EBF1: variants seen among roughly 807,000 people sequenced by gnomAD.
EBF1 encodes the protein EBF transcription factor 1.
A neutral mutation model predicts 68.4 loss-of-function variants in EBF1; 10 were observed. The observed-to-expected ratio is 0.15, with a 90% CI of 0.09 to 0.25. The LOEUF is 0.25. Ranked by LOEUF, EBF1 falls within the 10% of genes least tolerant of loss-of-function variation. The pLI is 1.00. For missense variants in EBF1, 509 were observed against 794.4 expected (o/e 0.64, Z 4.32); for synonymous variants, 298 against 299.8 (o/e 0.99, Z 0.06).
At chr5:158,979,944 C>T (rs897971330) in intron 6 of EBF1, among the ~76,000 whole-genome samples, 3 of 152,280 alleles carry the variant, frequency 2.0e-5, no homozygotes, top group Non-Finnish European at 2.9e-5. Context: ...AGCATCATTG[C>T]TTTCCTCTAC....
intron 6 of EBF1, among the ~76,000 whole-genome samples, chr5:159,037,712 C>T (rs989097491): frequency 2.7e-5 from 4 of 146,152 alleles, no homozygotes; most frequent in Non-Finnish European, 4.5e-5. Context: ...TGCTAGATGA[C>T]GAGTTAGTGG....
In EBF1 at chr5:158,993,629, G is replaced by C. The variant is rs1760815602; in HGVS notation, c.554+79767C>G. On this transcript the variant is annotated intron_variant, in intron 6 of 15. Coordinates refer to ENST00000313708, the MANE Select transcript of EBF1 (RefSeq NM_024007.5). Reference sequence around the variant, plus strand: ...TCACTACTCTGAGCCTTCTTTTCTTGTCTGTAAAATGGAACTAACAATACT... The same window carrying C: ...TCACTACTCTGAGCCTTCTTTTCTTCTCTGTAAAATGGAACTAACAATACT... 3.3e-5 allele frequency among the ~76,000 whole-genome samples: 5 copies of C among 152,170 alleles called. No homozygotes were observed. In the South Asian group the frequency reaches 1.0e-3, roughly 31 times the overall value.
At chr5:158,789,346 A>G (rs1198343015) in intron 9 of EBF1, among the ~76,000 whole-genome samples, 1 of 152,180 alleles carries the variant, frequency 6.6e-6, no homozygotes, top group Non-Finnish European at 1.5e-5. Flanking sequence ...TTCTATCATG[A>G]CATTTTGAAA....
intron 5 of EBF1, among the ~76,000 whole-genome samples, chr5:159,084,339 G>A (rs887694113): frequency 2.0e-5 from 3 of 152,146 alleles, no homozygotes; most frequent in African/African-American, 7.2e-5. Flanking sequence ...ATGCAGTTGA[G>A]CGCATATATT....
chr5:159,055,573 T>C (rs1362355993), intron 6 of EBF1, among the ~76,000 whole-genome samples: 1 of 152,208 alleles, frequency 6.6e-6, no homozygotes, highest in East Asian at 1.9e-4. Context: ...CAGAAGAATA[T>C]GCACAAATTT....
intron 6 of EBF1, among the ~76,000 whole-genome samples, chr5:159,033,464 AATGCTTTGAG>A (rs1189644421): frequency 6.6e-6 from 1 of 152,222 alleles, no homozygotes; most frequent in African/African-American, 2.4e-5. Context: ...CCTCAAAAAC[AATGCTTTGAG>A]ATGCTAGAGG....
At chr5:158,951,286 G>A (rs1815908876) in intron 6 of EBF1, among the ~76,000 whole-genome samples, 1 of 152,324 alleles carries the variant, frequency 6.6e-6, no homozygotes, top group South Asian at 2.1e-4. Context: ...ATATTGCCAT[G>A]TTGAACAATG....
At chr5:159,026,585 G>C (rs1227487998) in intron 6 of EBF1, among the ~76,000 whole-genome samples, 1 of 152,064 alleles carries the variant, frequency 6.6e-6, no homozygotes, top group Non-Finnish European at 1.5e-5. Context: ...CGAAGTCCAG[G>C]CCTTTATTCC....
At chr5:158,714,577 T>C (rs1250553624) in intron 11 of EBF1, among the ~76,000 whole-genome samples, 1 of 152,206 alleles carries the variant, frequency 6.6e-6, no homozygotes, top group Non-Finnish European at 1.5e-5. Flanking sequence ...AACCATGACC[T>C]TATCAGACAG....
chr5:158,803,684 A>C (rs930229184), intron 8 of EBF1, among the ~76,000 whole-genome samples: 4 of 152,000 alleles, frequency 2.6e-5, no homozygotes, highest in Non-Finnish European at 2.9e-5. Flanking sequence ...ATAAACAAAC[A>C]AACAAATTTG....
chr5:159,057,494 C>T (rs1260345446), intron 6 of EBF1, among the ~76,000 whole-genome samples: 3 of 152,164 alleles, frequency 2.0e-5, no homozygotes, highest in Non-Finnish European at 2.9e-5. Flanking sequence ...TAGGGGCTTC[C>T]TTGGACCCAA....
chr5:159,028,785 T>C (rs1768201190), intron 6 of EBF1, among the ~76,000 whole-genome samples: 1 of 152,116 alleles, frequency 6.6e-6, no homozygotes, highest in South Asian at 2.1e-4. Context: ...TCTGAGGTGA[T>C]ATTTGAGCTA....
intron 6 of EBF1, among the ~76,000 whole-genome samples, chr5:158,849,602 G>T (rs80330977): frequency 6.6e-6 from 1 of 152,146 alleles, no homozygotes; most frequent in East Asian, 1.9e-4. Flanking sequence ...AAGACACCAC[G>T]GACTTCTGAT....
chr5:159,042,598 G>GTA (rs1318486642), intron 6 of EBF1, among the ~76,000 whole-genome samples: 1 of 151,552 alleles, frequency 6.6e-6, no homozygotes, highest in Non-Finnish European at 1.5e-5. Context: ...GTGTGTGTGT[G>GTA]TGTGTGTGTG....
intron 6 of EBF1, among the ~76,000 whole-genome samples, chr5:158,877,603 A>G (rs765490587): frequency 2.0e-5 from 3 of 152,186 alleles, no homozygotes; most frequent in Admixed American, 6.6e-5. Flanking sequence ...AAAAATAGAG[A>G]CTAAATTATT....
intron 6 of EBF1, among the ~76,000 whole-genome samples, chr5:158,921,334 C>T (rs1808389733): frequency 6.6e-6 from 1 of 152,174 alleles, no homozygotes; most frequent in African/African-American, 2.4e-5. Flanking sequence ...GCATATAATA[C>T]ACTGCCTTAA....
At chr5:158,801,838 G>A (rs919238218) in intron 8 of EBF1, among the ~76,000 whole-genome samples, 4 of 152,078 alleles carry the variant, frequency 2.6e-5, no homozygotes, top group African/African-American at 4.8e-5. Flanking sequence ...AATCAGAGAT[G>A]CCCTCGGTAG....
chr5:158,941,640 T>C (rs1048875830), intron 6 of EBF1, among the ~76,000 whole-genome samples: 2 of 152,202 alleles, frequency 1.3e-5, no homozygotes, highest in Non-Finnish European at 2.9e-5. Context: ...CTATATATCT[T>C]GGAACAAAGC....
At chr5:158,979,112 G>C (rs1757409650) in intron 6 of EBF1, among the ~76,000 whole-genome samples, 3 of 151,880 alleles carry the variant, frequency 2.0e-5, no homozygotes, top group African/African-American at 7.3e-5. Flanking sequence ...CACACAAAGA[G>C]AAAAAAGAAG....
Sources: allele counts gnomAD v4.1 joint callset (sites outside exome capture counted in the v4.1 genomes callset), GRCh38; gene constraint gnomAD v4.1.1; transcripts MANE v1.5; gene names NCBI Gene and HGNC (gene_info 2026-07-23, HGNC 2026-07-21).